The following DOCK1 variants were observed in gnomAD, a reference collection of about 807,000 sequenced individuals.
DOCK1 encodes the protein dedicator of cytokinesis 1.
DOCK1 carries 138 observed loss-of-function variants against 262.7 expected under a neutral mutation model. That is an observed-to-expected ratio of 0.53 (90% CI 0.46 to 0.61). DOCK1 has a LOEUF of 0.61. Among genes scored for constraint, DOCK1 ranks in the 20% least tolerant of loss-of-function variants. The pLI is 0.00. For synonymous variants in DOCK1, 866 were observed against 867.4 expected, an observed-to-expected ratio of 1.00 and a Z score of 0.03; for missense variants, 1,908 against 2,370.7, an observed-to-expected ratio of 0.80 and a Z score of 4.05.
chr10:127,149,141 T>C (rs2052214680), intron 27 of DOCK1, among the ~76,000 whole-genome samples: 1 of 152,168 alleles, frequency 6.6e-6, no homozygotes, highest in Non-Finnish European at 1.5e-5. Flanking sequence ...TTGAAACCCA[T>C]AGTTACATCC....
intron 29 of DOCK1, among the ~76,000 whole-genome samples, chr10:127,300,998 T>A (rs1432007660): frequency 6.6e-6 from 1 of 152,202 alleles, no homozygotes; most frequent in Admixed American, 6.5e-5. Flanking sequence ...CCTAGCCTGT[T>A]CTAACCCTTG....
Position 127,257,380 on chromosome 10 carries a change from A to C in DOCK1, c.2995A>C (p.Lys999Gln), listed in dbSNP as rs773948788. ...TFIMFKNLIGKNVYPFDWVIM... is the reference protein window; with the variant it reads ...TFIMFKNLIGQNVYPFDWVIM... ...CATCATGTTTAAGAACCTCATTGGA[A>C]AGAACGTTTACCCCTTCGACTGGGT... is the stretch of plus-strand genomic sequence containing the variant. Residue 999 changes from lysine to glutamine, a missense_variant, in exon 29 of 52, where the codon AAG becomes CAG. Lys to Gln is a moderately conservative substitution (Grantham distance 53). This residue lies in a region of DOCK1 where 518 missense variants were observed against 575.1 expected (regional missense o/e 0.90). Transcript: ENST00000623213. 2.5e-6 allele frequency: 4 copies of C among 1,607,796 alleles called. No individual in the cohort carries two copies. The highest frequency in any genetic ancestry group is 3.4e-6 in the Non-Finnish European group (4 of 1,176,742).
chr10:127,237,341 CAA>C (rs975016969), intron 27 of DOCK1, among the ~76,000 whole-genome samples: 35 of 105,722 alleles, frequency 3.3e-4, no homozygotes, highest in African/African-American at 6.9e-4. Context: ...CCCTGGGTAA[CAA>C]GAGCAAAACT....
intron 27 of DOCK1, among the ~76,000 whole-genome samples, chr10:127,129,948 C>CCT (rs1210106912): frequency 6.6e-6 from 1 of 151,856 alleles, no homozygotes; most frequent in Non-Finnish European, 1.5e-5. Context: ...GGGTCTTGGT[C>CCT]CTCTCTCTCC....
intron 12 of DOCK1, chr10:127,016,071 G>A (rs4411215): frequency 0.4 from 60,982 of 152,062 alleles, 12,471 homozygotes; most frequent in South Asian, 0.47. Flanking sequence ...GACTTCTCCC[G>A]TGAGAACTTC....
rs16906526 is a variant in DOCK1 at position 127,071,569 on chromosome 10, C to T, written c.2445+9793C>T. Among the ~76,000 whole-genome samples the T allele has an allele frequency of 2.4e-3, 359 of 152,264 alleles. 4 individuals are homozygous for T. In the East Asian group the frequency reaches 0.045, roughly 19 times the overall value. ...TCAAAATGTTTATGCTTGCAACCTG[C>T]GTAGTTTTTGGTTTACTGATTTTTT... On this transcript the variant is annotated intron_variant, in intron 23 of 51. Coordinates refer to ENST00000623213, the MANE Select transcript of DOCK1 (RefSeq NM_001290223.2).
At chr10:127,280,270 G>A (rs912418162) in intron 29 of DOCK1, among the ~76,000 whole-genome samples, 11 of 151,798 alleles carry the variant, frequency 7.2e-5, no homozygotes, top group African/African-American at 2.2e-4. Context: ...TCCTGACCTC[G>A]TGATCCGCCC....
chr10:127,320,453 T>C lies in DOCK1; in HGVS notation c.3045-18553T>C, dbSNP rs1483326760. ...GAGCGCGGCCACGTGGCTGGGAACCTGTCAGGTTTTATAGCATCCAATCAG... is the reference window on the plus strand; with the variant it reads ...GAGCGCGGCCACGTGGCTGGGAACCCGTCAGGTTTTATAGCATCCAATCAG... On this transcript the variant is annotated intron_variant, in intron 29 of 51. Coordinates refer to ENST00000623213, the MANE Select transcript of DOCK1 (RefSeq NM_001290223.2). Among the ~76,000 whole-genome samples the C allele has an allele frequency of 2.6e-5, 4 of 152,148 alleles. No individual in the cohort carries two copies. The East Asian group carries it at 7.7e-4, about 29-fold the overall frequency.
At chr10:127,363,034 C>T (rs1333615489) in intron 33 of DOCK1, among the ~76,000 whole-genome samples, 3 of 143,976 alleles carry the variant, frequency 2.1e-5, no homozygotes, top group Non-Finnish European at 4.5e-5. Context: ...CACACATGCA[C>T]CTCCCCCCAC....
chr10:127,043,520 G>A (rs1057324222), intron 21 of DOCK1, among the ~76,000 whole-genome samples: 9 of 152,212 alleles, frequency 5.9e-5, no homozygotes, highest in African/African-American at 1.7e-4. Flanking sequence ...ATGTGTTCCC[G>A]TGTTAAGGAG....
chr10:126,984,331 T>C lies in DOCK1; in HGVS notation c.227+2358T>C, dbSNP rs139090249. Among the ~76,000 whole-genome samples, 357 of 152,268 alleles carry C rather than the reference T, an allele frequency of 2.3e-3. 1 individual carries two copies. Among genetic ancestry groups the C allele is most frequent in the African/African-American group, 8.1e-3 (335 of 41,570 alleles). ...ATTCTCTTTTCAAAAAAAATTATTA[T>C]TATTTTTATTTTGTATTGTGTATTT... On this transcript the variant is annotated intron_variant, in intron 4 of 51. Transcript: ENST00000623213.
intron 32 of DOCK1, among the ~76,000 whole-genome samples, chr10:127,360,279 C>G (rs2064347445): frequency 6.6e-6 from 1 of 152,194 alleles, no homozygotes; most frequent in Non-Finnish European, 1.5e-5. Context: ...TCACCCTGAT[C>G]CTCAGGAGTA....
In DOCK1 at chr10:127,012,803, C is replaced by T. The variant is rs1462094039; in HGVS notation, c.1201+429C>T. On this transcript the variant is annotated intron_variant, in intron 12 of 51. Coordinates refer to ENST00000623213, the MANE Select transcript of DOCK1 (RefSeq NM_001290223.2). This position sits in a 1 kb window ranked among gnomAD's most constrained non-coding sequence, Gnocchi z 4.0. ...GCCCCTACACTCCGCCTCACACTCA[C>T]TGTTTTTAATCCTGCACTGACACGT... 6.6e-6 allele frequency among the ~76,000 whole-genome samples: 1 copy of T among 152,214 alleles called. No individual in the cohort carries two copies. Among genetic ancestry groups the T allele is most frequent in the East Asian group, 1.9e-4 (1 of 5,182 alleles).
chr10:127,396,448 T>C (rs2386838), intron 38 of DOCK1, among the ~76,000 whole-genome samples: 62,548 of 152,018 alleles, frequency 0.41, 13,553 homozygotes, highest in Middle Eastern at 0.53. Context: ...AGAAGAGTTC[T>C]TTCTTGTTCC....
rs748731456 is a variant in DOCK1, at chr10:126,990,560, G to C, written c.430G>C (p.Glu144Gln). 9 of 1,613,726 alleles carry C rather than the reference G, an allele frequency of 5.6e-6. No homozygotes were observed. The South Asian group carries it at 9.9e-5, about 18-fold the overall frequency. Reference sequence around the variant, plus strand: ...AACTCTGCCTCAGGATGAACTCAAAGAACTGAAGAAGAAGGTCACAGCCAA... The same window carrying C: ...AACTCTGCCTCAGGATGAACTCAAACAACTGAAGAAGAAGGTCACAGCCAA... ...SGTLPQDELK[E>Q]LKKKVTAKID... The change falls in exon 6 of 52, where the codon GAA becomes CAA. Residue 144 changes from glutamate to glutamine, a missense_variant. By Grantham distance (29) the Glu-to-Gln change is conservative. Coordinates refer to ENST00000623213, the MANE Select transcript of DOCK1 (RefSeq NM_001290223.2).
chr10:126,946,731 A>G (rs1331369578), intron 1 of DOCK1, among the ~76,000 whole-genome samples: 1 of 152,140 alleles, frequency 6.6e-6, no homozygotes, highest in Non-Finnish European at 1.5e-5. Context: ...CATCCATGTC[A>G]CAGCACACGT....
Position 127,446,340 on chromosome 10 carries a change from A to C in DOCK1, c.5414-1054A>C, listed in dbSNP as rs2134819682. ...TGGAGAGTTACTGTTTAATGGGTAC[A>C]GAATTCCGTTTGGGGTGATGGAAAT... On this transcript the variant is annotated intron_variant, in intron 50 of 51. Coordinates refer to ENST00000623213, the MANE Select transcript of DOCK1 (RefSeq NM_001290223.2). The surrounding 1 kb of genome is among the most constrained non-coding windows in gnomAD (Gnocchi z 4.4). 6.6e-6 allele frequency among the ~76,000 whole-genome samples: 1 copy of C among 152,272 alleles called. No homozygotes were observed. The highest frequency in any genetic ancestry group is 3.4e-3 in the Middle Eastern group (1 of 294).
chr10:127,343,428 C>T (rs773146999), intron 30 of DOCK1, among the ~76,000 whole-genome samples: 18 of 152,070 alleles, frequency 1.2e-4, no homozygotes, highest in South Asian at 2.1e-4. Context: ...ATGGCAGACC[C>T]GGGATTTGAA....
chr10:127,416,306 T>G (rs564211890), intron 44 of DOCK1, among the ~76,000 whole-genome samples: 64 of 152,290 alleles, frequency 4.2e-4, no homozygotes, highest in Non-Finnish European at 4.4e-4. Flanking sequence ...GTGGTAAAAA[T>G]GCACTCCCTT....
Sources: allele counts gnomAD v4.1 joint callset (sites outside exome capture counted in the v4.1 genomes callset), GRCh38; gene constraint gnomAD v4.1.1; regional missense constraint gnomAD v4.1.1; non-coding constraint Gnocchi (gnomAD v3.1); transcripts MANE v1.5; gene names NCBI Gene and HGNC (gene_info 2026-07-23, HGNC 2026-07-21).